The following SUPT3H variants were observed in gnomAD, a reference collection of about 807,000 sequenced individuals.
SUPT3H encodes the protein transcription initiation protein SPT3 homolog.
A neutral mutation model predicts 44.3 loss-of-function variants in SUPT3H; 44 were observed. The observed-to-expected ratio is 0.99, with a 90% CI of 0.78 to 1.28. The LOEUF (loss-of-function observed/expected upper bound fraction) is 1.28. SUPT3H is among the 50% of genes most tolerant of loss of function. The pLI is 0.00. For synonymous variants in SUPT3H, 124 were observed against 125.6 expected (o/e 0.99, Z 0.09); for missense variants, 380 against 387.1 (o/e 0.98, Z 0.15).
intron 3 of SUPT3H, among the ~76,000 whole-genome samples, chr6:45,105,454 T>C (rs1487347403): frequency 6.6e-6 from 1 of 151,928 alleles, no homozygotes; most frequent in East Asian, 1.9e-4. Flanking sequence ...ACAGAGTAGG[T>C]GTACAGTCAA....
chr6:45,289,195 C>A (rs116691750), intron 2 of SUPT3H, among the ~76,000 whole-genome samples: 2,659 of 151,930 alleles, frequency 0.018, 48 homozygotes, highest in South Asian at 0.085. Context: ...AATTATCAAC[C>A]CTTTATGTTG....
chr6:45,083,244 T>C (rs1167128109), intron 3 of SUPT3H, among the ~76,000 whole-genome samples: 3 of 151,588 alleles, frequency 2.0e-5, no homozygotes, highest in Non-Finnish European at 2.9e-5. Context: ...CAGGCCGGAG[T>C]GCAGTGGCGT....
chr6:45,192,560 T>C (rs1363789775), intron 2 of SUPT3H, among the ~76,000 whole-genome samples: 1 of 152,192 alleles, frequency 6.6e-6, no homozygotes, highest in East Asian at 1.9e-4. Flanking sequence ...ATTTTTGGTG[T>C]TTCTCTTTAA....
At position 44,829,644 on chromosome 6, in the gene SUPT3H, C is replaced by G. The variant is rs914609345; in HGVS notation, c.*172G>C. 2 of 675,056 alleles carry G rather than the reference C, an allele frequency of 3.0e-6. No individual in the cohort carries two copies. The highest frequency in any genetic ancestry group is 5.2e-6 in the Non-Finnish European group (2 of 387,308). The allele number at this position is 675,056 out of a possible 1,614,324, so 41.8% of individuals were successfully genotyped here. ...GAACAGCCCATCTAGTAAACAAGAC[C>G]GATGGTTGAGGGGCTGGAAAAGAGG... On this transcript the variant is annotated 3_prime_UTR_variant, in exon 11 of 11. Coordinates refer to ENST00000371459, the MANE Select transcript of SUPT3H (RefSeq NM_003599.4).
intron 10 of SUPT3H, among the ~76,000 whole-genome samples, chr6:44,867,916 C>T (rs918596236): frequency 2.0e-5 from 3 of 151,870 alleles, no homozygotes; most frequent in Admixed American, 6.6e-5. Flanking sequence ...GATTTTCCTC[C>T]TCCTTCTCTT....
chr6:45,120,324 T>C (rs941174045), intron 2 of SUPT3H, among the ~76,000 whole-genome samples: 1 of 149,896 alleles, frequency 6.7e-6, no homozygotes, highest in African/African-American at 2.4e-5. Context: ...GTGGCTTCTG[T>C]TTATAATCCC....
chr6:45,353,354 A>G (rs1294202841), intron 2 of SUPT3H, among the ~76,000 whole-genome samples: 1 of 152,100 alleles, frequency 6.6e-6, no homozygotes, highest in Non-Finnish European at 1.5e-5. Flanking sequence ...TTAAAAAGAA[A>G]AGTTATGCGG....
intron 3 of SUPT3H, among the ~76,000 whole-genome samples, chr6:45,050,658 A>G (rs1790137018): frequency 6.6e-6 from 1 of 152,134 alleles, no homozygotes; most frequent in African/African-American, 2.4e-5. Context: ...CACGGAAGAC[A>G]GTTTTCTGAT....
intron 10 of SUPT3H, among the ~76,000 whole-genome samples, chr6:44,845,670 CAAGAGG>C (rs1235082317): frequency 6.6e-6 from 1 of 152,152 alleles, no homozygotes; most frequent in Non-Finnish European, 1.5e-5. Flanking sequence ...GGCTGGACAT[CAAGAGG>C]AACACACTGG....
intron 2 of SUPT3H, among the ~76,000 whole-genome samples, chr6:45,283,881 A>G (rs1778665207): frequency 6.6e-6 from 1 of 152,230 alleles, no homozygotes; most frequent in Non-Finnish European, 1.5e-5. Context: ...ATTATAACAA[A>G]CTGTCTCTCA....
intron 2 of SUPT3H, among the ~76,000 whole-genome samples, chr6:45,329,898 T>TA (rs1787111751): frequency 6.6e-6 from 1 of 151,944 alleles, no homozygotes; most frequent in Non-Finnish European, 1.5e-5. Flanking sequence ...ATTTTTCTTA[T>TA]ATCCATTAAA....
intron 2 of SUPT3H, among the ~76,000 whole-genome samples, chr6:45,144,976 A>C (rs1054049234): frequency 6.6e-5 from 10 of 152,150 alleles, no homozygotes; most frequent in Non-Finnish European, 1.3e-4. Flanking sequence ...GAGGTGAAAG[A>C]TCTCTAGAAG....
chr6:45,310,337 C>T (rs531173564), intron 2 of SUPT3H, among the ~76,000 whole-genome samples: 1 of 152,210 alleles, frequency 6.6e-6, no homozygotes, highest in South Asian at 2.1e-4. Context: ...ACAGGATTTC[C>T]CTAGGAAACC....
chr6:45,034,738 C>A (rs1465349941), intron 3 of SUPT3H, among the ~76,000 whole-genome samples: 1 of 152,252 alleles, frequency 6.6e-6, no homozygotes, highest in South Asian at 2.1e-4. Flanking sequence ...ATTATTTTTA[C>A]AAAACTGTTA....
chr6:45,278,068 T>C (rs925525482), intron 2 of SUPT3H, among the ~76,000 whole-genome samples: 2 of 147,392 alleles, frequency 1.4e-5, no homozygotes, highest in African/African-American at 5.1e-5. Flanking sequence ...TAAGTGGGAG[T>C]TGAACAATAA....
chr6:45,309,371 TTAAC>T lies in SUPT3H; in HGVS notation c.101+55826_101+55829del, dbSNP rs756755089. Among the ~76,000 whole-genome samples the T allele has an allele frequency of 7.9e-5, 12 of 151,834 alleles. No homozygotes were observed. The South Asian group carries it at 1.9e-3, about 24-fold the overall frequency. On this transcript the variant is annotated intron_variant, in intron 2 of 10. Coordinates refer to ENST00000371459, the MANE Select transcript of SUPT3H (RefSeq NM_003599.4). ...AACACGATGAAATGAAATTAAAACT[TTAAC>T]TGAGTATCAACAATATCAGAACTGA...
At chr6:45,344,068 A>C (rs73444678) in intron 2 of SUPT3H, among the ~76,000 whole-genome samples, 223 of 152,330 alleles carry the variant, frequency 1.5e-3, no homozygotes, top group African/African-American at 5.3e-3. Context: ...AATTGTATAT[A>C]TGAAAAATTG....
intron 3 of SUPT3H, among the ~76,000 whole-genome samples, chr6:45,064,569 T>C (rs9395062): frequency 0.98 from 135,507 of 138,432 alleles, 66,337 homozygotes; most frequent in Middle Eastern, 1. Flanking sequence ...AAACCCATCT[T>C]ACGTGCAGAG....
At chr6:45,328,626 C>A (rs757390130) in intron 2 of SUPT3H, 1 of 1,608,874 alleles carries the variant, frequency 6.2e-7, no homozygotes, top group Non-Finnish European at 8.5e-7. Flanking sequence ...TACTGTAAAA[C>A]TAAAACAAGG....
Sources: allele counts gnomAD v4.1 joint callset (sites outside exome capture counted in the v4.1 genomes callset), GRCh38; gene constraint gnomAD v4.1.1; transcripts MANE v1.5; gene names NCBI Gene and HGNC (gene_info 2026-07-23, HGNC 2026-07-21).